TERT: variants seen among roughly 807,000 people sequenced by gnomAD.
The protein encoded by TERT is telomerase catalytic subunit.
TERT carries 42 observed loss-of-function variants against 104.0 expected under a neutral mutation model. The ratio of observed to expected loss-of-function variants is 0.40; its 90% CI spans 0.32 to 0.52. The LOEUF is 0.52. Ranked by LOEUF, TERT falls within the 20% of genes least tolerant of loss-of-function variation. The pLI, the probability that TERT is intolerant of heterozygous loss-of-function variation, is 0.43. For missense variants in TERT, 1,101 were observed against 1,610.3 expected, an observed-to-expected ratio of 0.68 and a Z score of 5.41; for synonymous variants, 781 against 725.6, an observed-to-expected ratio of 1.08 and a Z score of -1.23.
rs1017555119 is a variant in TERT at position 1,279,139 on chromosome 5, C to T, written c.2130+152G>A. ...TGCAGGAAAGGCTGAAGGCCTCCAC[C>T]CTAGGTGCCAGGTGTGTCCTCAACA... On this transcript the variant is annotated intron_variant, in intron 5 of 15. Transcript: ENST00000310581. 8 of 903,994 alleles carry T rather than the reference C, an allele frequency of 8.8e-6. No individual in the cohort carries two copies. In the African/African-American group the frequency reaches 1.2e-4, roughly 13 times the overall value. The allele number at this position is 903,994 out of a possible 1,614,324, so 56.0% of individuals were successfully genotyped here.
In TERT at chr5:1,263,339, C is replaced by T. The variant is rs184816491; in HGVS notation, c.2843+1065G>A. Among the ~76,000 whole-genome samples, 12 of 152,230 alleles carry T rather than the reference C, an allele frequency of 7.9e-5. No homozygotes were observed. The highest frequency in any genetic ancestry group is 2.6e-4 in the African/African-American group (11 of 41,536). On this transcript the variant is annotated intron_variant, in intron 11 of 15. Transcript: ENST00000310581. This position sits in a 1 kb window ranked among gnomAD's most constrained non-coding sequence, Gnocchi z 5.3. ...CCCAGTTCCGGCCTCTAGCACAGCA[C>T]CAGTAAATATTATCGAAGGACAGAA...
intron 6 of TERT, among the ~76,000 whole-genome samples, chr5:1,277,869 G>C (rs975155590): frequency 6.6e-6 from 1 of 152,126 alleles, no homozygotes; most frequent in African/African-American, 2.4e-5. Flanking sequence ...TCTGCACCCC[G>C]GCCTGGCACG....
intron 2 of TERT, among the ~76,000 whole-genome samples, chr5:1,285,785 G>C (rs2126661511): frequency 1.3e-5 from 2 of 151,940 alleles, no homozygotes; most frequent in Middle Eastern, 3.4e-3. Context: ...GGCCAGGATG[G>C]TCTCGACCTC....
In TERT at chr5:1,256,113, T is replaced by C. The variant is rs35976105; in HGVS notation, c.3033-702A>G. Among the ~76,000 whole-genome samples the C allele has an allele frequency of 0.063, 9,542 of 152,002 alleles. 988 individuals are homozygous for C. The highest frequency in any genetic ancestry group is 0.22 in the African/African-American group (8,915 of 41,414). ...GCAGCTTCCACCTCCTGGGCTCAAG[T>C]GATCCTCCCACTTCAGCCTCCCAAG... On this transcript the variant is annotated intron_variant, in intron 13 of 15. Coordinates refer to ENST00000310581, the MANE Select transcript of TERT (RefSeq NM_198253.3). The surrounding 1 kb of genome is among the most constrained non-coding windows in gnomAD (Gnocchi z 7.0).
At chr5:1,276,893 C>T (rs1749636239) in intron 6 of TERT, among the ~76,000 whole-genome samples, 2 of 152,380 alleles carry the variant, frequency 1.3e-5, no homozygotes, top group East Asian at 3.8e-4. Flanking sequence ...TACAATCTTC[C>T]AGTCCTCAAA....
At position 1,253,694 on chromosome 5, in the gene TERT, G is replaced by T; in HGVS notation, c.*34C>A. 1.3e-6 allele frequency: 2 copies of T among 1,572,212 alleles called. No homozygotes were observed. The highest frequency in any genetic ancestry group is 1.7e-6 in the Non-Finnish European group (2 of 1,150,312). On this transcript the variant is annotated 3_prime_UTR_variant, in exon 16 of 16. Transcript: ENST00000310581. ...AGCCCGGCGTGACAGGGCTGCTGGT[G>T]TCTGCTCTCGGCCTGGCTGTGGGCG...
At position 1,274,487 on chromosome 5, in the gene TERT, A is replaced by G. The variant is rs1486236663; in HGVS notation, c.2287-2207T>C. 6.6e-6 allele frequency among the ~76,000 whole-genome samples: 1 copy of G among 152,246 alleles called. No individual in the cohort carries two copies. Among genetic ancestry groups the G allele is most frequent in the African/African-American group, 2.4e-5 (1 of 41,472 alleles). On this transcript the variant is annotated intron_variant, in intron 6 of 15. Transcript: ENST00000310581. This position sits in a 1 kb window ranked among gnomAD's most constrained non-coding sequence, Gnocchi z 5.3. Reference sequence around the variant, plus strand: ...TCGTGGAAGACGATTTTTCCACAGGACAGCAGTGGGGAAGGGGATGGTTTT... The same window carrying G: ...TCGTGGAAGACGATTTTTCCACAGGGCAGCAGTGGGGAAGGGGATGGTTTT...
rs541567561 is a variant in TERT, at chr5:1,268,905, G to A, written c.2469-272C>T. On this transcript the variant is annotated intron_variant, in intron 8 of 15. Coordinates refer to ENST00000310581, the MANE Select transcript of TERT (RefSeq NM_198253.3). This position sits in a 1 kb window ranked among gnomAD's most constrained non-coding sequence, Gnocchi z 5.5. ...AATCATCAAGGTTTTCTTTCATTAA[G>A]GTTTCTTAAATCTTAGAGTTTATTC... Among the ~76,000 whole-genome samples the A allele has an allele frequency of 2.0e-5, 3 of 152,064 alleles. No homozygotes were observed. The highest frequency in any genetic ancestry group is 4.4e-5 in the Non-Finnish European group (3 of 68,002).
intron 2 of TERT, among the ~76,000 whole-genome samples, chr5:1,290,025 G>A (rs1293879772): frequency 1.0e-3 from 13 of 12,626 alleles, no homozygotes; most frequent in Admixed American, 1.9e-3. Flanking sequence ...CACTCACCCT[G>A]CACGTGACAG....
Position 1,261,345 on chromosome 5 carries a change from C to G in TERT, c.2844-745G>C, listed in dbSNP as rs34060726. Among the ~76,000 whole-genome samples the G allele has an allele frequency of 5.5e-3, 844 of 152,302 alleles. 6 individuals are homozygous for G. Among genetic ancestry groups the G allele is most frequent in the African/African-American group, 0.019 (801 of 41,570 alleles). The stretch of plus-strand genomic sequence containing the variant: ...GCAAGTTTTGTGATGCATAATATCT[C>G]CTTAGCCCTGTATTTGGGCAGGTTC... On this transcript the variant is annotated intron_variant, in intron 11 of 15. Transcript: ENST00000310581. This position sits in a 1 kb window ranked among gnomAD's most constrained non-coding sequence, Gnocchi z 7.4.
intron 13 of TERT, 123 bp downstream of exon 13, chr5:1,258,475 G>A (rs777670571): frequency 8.7e-5 from 77 of 880,434 alleles, no homozygotes; most frequent in Non-Finnish European, 1.3e-4. Flanking sequence ...CAGCACCACT[G>A]AAAACGTAAG....
intron 8 of TERT, 113 bp downstream of exon 8, chr5:1,271,006 C>G: frequency 3.5e-6 from 3 of 849,524 alleles, no homozygotes; most frequent in Non-Finnish European, 5.7e-6. Context: ...AAAGGAGACT[C>G]TGGTGGCCCC....
At position 1,279,261 on chromosome 5, in the gene TERT, G is replaced by A. The variant is rs1411411410; in HGVS notation, c.2130+30C>T. 4.5e-6 allele frequency: 7 copies of A among 1,554,900 alleles called. No individual in the cohort carries two copies. The Admixed American group carries it at 1.2e-4, about 26-fold the overall frequency. On this transcript the variant is annotated intron_variant, in intron 5 of 15. Transcript: ENST00000310581. The stretch of plus-strand genomic sequence containing the variant: ...AGGCAGCCACTCCCAAGGTCCAGCA[G>A]GGCTGCTCACGGGGGTCCCCGGCAC...
At chr5:1,254,622 G>C in intron 14 of TERT, 117 bp from the exon 15 acceptor site, 2 of 1,238,906 alleles carry the variant, frequency 1.6e-6, no homozygotes, top group Non-Finnish European at 2.2e-6. Context: ...TGGCTGTCCC[G>C]ACCCAAGCAC....
rs554943252 is a variant in TERT, at chr5:1,274,231, A to G, written c.2287-1951T>C. On this transcript the variant is annotated intron_variant, in intron 6 of 15. Coordinates refer to ENST00000310581, the MANE Select transcript of TERT (RefSeq NM_198253.3). The surrounding 1 kb of genome is among the most constrained non-coding windows in gnomAD (Gnocchi z 5.3). ...GAGTACGATTCAACCCTGAGAACCA[A>G]CCTGGAAGGCAGTAACAGGAAGGTA... Among the ~76,000 whole-genome samples, 2 of 152,266 alleles carry G rather than the reference A, an allele frequency of 1.3e-5. No individual in the cohort carries two copies. Among genetic ancestry groups the G allele is most frequent in the African/African-American group, 4.8e-5 (2 of 41,560 alleles).
rs2126693497 is a variant in TERT, at chr5:1,295,026, C to T, written c.-37G>A. On this transcript the variant is annotated 5_prime_UTR_variant, in exon 1 of 16. Coordinates refer to ENST00000310581, the MANE Select transcript of TERT (RefSeq NM_198253.3). ...CCGGGGCCAGGGCTTCCCACGTGCGCAGCAGGACGCAGCGCTGCCTGAAAC... is the reference window on the plus strand; with the variant it reads ...CCGGGGCCAGGGCTTCCCACGTGCGTAGCAGGACGCAGCGCTGCCTGAAAC... 9.7e-6 allele frequency: 12 copies of T among 1,243,182 alleles called. No individual in the cohort carries two copies. The highest frequency in any genetic ancestry group is 1.1e-5 in the Non-Finnish European group (11 of 983,654). 77.0% of individuals were successfully genotyped at this position (1,243,182 alleles called of 1,614,324 possible).
chr5:1,267,470 C>G (rs900114156), intron 9 of TERT, among the ~76,000 whole-genome samples: 1 of 152,210 alleles, frequency 6.6e-6, no homozygotes, highest in Non-Finnish European at 1.5e-5. Flanking sequence ...TTGACCCAGC[C>G]ATCCCATTAC....
intron 9 of TERT, among the ~76,000 whole-genome samples, chr5:1,267,889 T>C (rs1452732061): frequency 6.6e-6 from 1 of 151,752 alleles, no homozygotes; most frequent in South Asian, 2.1e-4. Context: ...ATGTAAATGA[T>C]GAGTTAATGG....
chr5:1,289,674 C>T (rs1376259692), intron 2 of TERT, among the ~76,000 whole-genome samples: 2 of 89,554 alleles, frequency 2.2e-5, no homozygotes, highest in Non-Finnish European at 2.2e-5. Context: ...CCGGGGGCCT[C>T]GCGTCAATCA....
Sources: allele counts gnomAD v4.1 joint callset (sites outside exome capture counted in the v4.1 genomes callset), GRCh38; gene constraint gnomAD v4.1.1; non-coding constraint Gnocchi (gnomAD v3.1); transcripts MANE v1.5; gene names NCBI Gene and HGNC (gene_info 2026-07-23, HGNC 2026-07-21).